The following AK9 variants were observed in gnomAD, a reference collection of about 807,000 sequenced individuals.
The protein encoded by AK9 is adenylate kinase domain containing 1.
Under a neutral mutation model 239.6 loss-of-function variants are expected in AK9, and 191 were observed. That is an observed-to-expected ratio of 0.80 (90% confidence interval 0.71 to 0.90). The LOEUF (loss-of-function observed/expected upper bound fraction) is 0.90, where lower values mean the gene tolerates loss of function less well. AK9 is among the 40% of genes least tolerant of loss of function. The pLI is 0.00. For missense variants in AK9, 1,995 were observed against 2,214.7 expected (o/e 0.90, Z 1.99); for synonymous variants, 689 against 721.0 (o/e 0.96, Z 0.71).
At position 109,559,041 on chromosome 6, in the gene AK9, G is replaced by C. The variant is rs140817686; in HGVS notation, c.2751+4556C>G. On this transcript the variant is annotated intron_variant, in intron 24 of 40. Coordinates refer to ENST00000424296, the MANE Select transcript of AK9 (RefSeq NM_001145128.3). ...TCATTTTTATATTTTCAATAGAGAG[G>C]GGGGGTTCGCCATGTTGGCTAAGCT... is the stretch of plus-strand genomic sequence containing the variant. 2.4e-3 allele frequency among the ~76,000 whole-genome samples: 365 copies of C among 151,818 alleles called. 3 individuals are homozygous for C. The highest frequency in any genetic ancestry group is 8.4e-3 in the African/African-American group (346 of 41,432).
intron 28 of AK9, among the ~76,000 whole-genome samples, chr6:109,529,684 T>A (rs573683040): frequency 6.6e-6 from 1 of 152,100 alleles, no homozygotes; most frequent in East Asian, 1.9e-4. Flanking sequence ...CATCTGGAGG[T>A]GATGGGAGAT....
intron 8 of AK9, among the ~76,000 whole-genome samples, chr6:109,650,534 C>T (rs1328888378): frequency 2.0e-5 from 3 of 151,926 alleles, no homozygotes; most frequent in Non-Finnish European, 2.9e-5. Context: ...CAATGAGATA[C>T]CATCTCACAC....
At chr6:109,602,892 G>A (rs919943075) in intron 17 of AK9, among the ~76,000 whole-genome samples, 46 of 152,088 alleles carry the variant, frequency 3.0e-4, no homozygotes, top group Non-Finnish European at 2.2e-4. Context: ...TATTCGTCAC[G>A]TAGTTCTCGT....
In AK9 at chr6:109,564,196, A is replaced by T. The variant is rs865806795; in HGVS notation, c.2519T>A (p.Ile840Asn). Residue 840 changes from isoleucine to asparagine, a missense_variant, in exon 23 of 41, where the codon ATC becomes AAC. Transcript: ENST00000424296. ...PFKEKIGSFI[I>N]LWKQLEATIS... ...TGTTGCTTCTAGCTGTTTCCAGAGG[A>T]TGATGAAAGAACCAATCTTCTCTTT... is the stretch of plus-strand genomic sequence containing the variant. The T allele has an allele frequency of 3.2e-6, 5 of 1,551,446 alleles. No homozygotes were observed. The Middle Eastern group carries it at 8.4e-4, about 259-fold the overall frequency.
intron 19 of AK9, 75 bp from the exon 20 acceptor site, chr6:109,579,701 AT>A: frequency 8.1e-7 from 1 of 1,235,156 alleles, no homozygotes; most frequent in Non-Finnish European, 1.1e-6. Flanking sequence ...TTAAATGCTT[AT>A]AGTGTTAAAA....
At chr6:109,618,146 G>A (rs960517888) in intron 13 of AK9, among the ~76,000 whole-genome samples, 1 of 152,062 alleles carries the variant, frequency 6.6e-6, no homozygotes, top group Non-Finnish European at 1.5e-5. Context: ...ATAGCTTCTG[G>A]GACTCTGAAC....
In AK9 at chr6:109,493,862, T is replaced by C. The variant is rs981532325; in HGVS notation, c.5533+119A>G. 6.4e-6 allele frequency: 5 copies of C among 780,674 alleles called. No individual in the cohort carries two copies. The Admixed American group carries it at 1.2e-4, about 18-fold the overall frequency. The allele number at this position is 780,674 out of a possible 1,614,324, so 48.4% of individuals were successfully genotyped here. The stretch of plus-strand genomic sequence containing the variant: ...ATTTGCCCTGTATTGTATTTGCTAC[T>C]AACACTCTCTCTTTCTCTCTCACCA... On this transcript the variant is annotated intron_variant, in intron 40 of 40. Coordinates refer to ENST00000424296, the MANE Select transcript of AK9 (RefSeq NM_001145128.3).
At chr6:109,548,945 G>T (rs1783957039) in intron 25 of AK9, among the ~76,000 whole-genome samples, 2 of 152,302 alleles carry the variant, frequency 1.3e-5, no homozygotes, top group Non-Finnish European at 2.9e-5. Flanking sequence ...AAGCACAAAG[G>T]TCATGGCAAC....
chr6:109,668,464 T>C (rs1801578683), intron 5 of AK9, among the ~76,000 whole-genome samples: 1 of 151,654 alleles, frequency 6.6e-6, no homozygotes, highest in Middle Eastern at 3.2e-3. Flanking sequence ...AGACATGAAG[T>C]CCTTGCCCAT....
chr6:109,545,734 TTGAGGCTTTGG>T, intron 26 of AK9, 122 bp downstream of exon 26: 1 of 1,123,926 alleles, frequency 8.9e-7, no homozygotes, highest in Non-Finnish European at 1.2e-6. Flanking sequence ...CCCAGGGAAG[TTGAGGCTTTGG>T]TGAGCTGTGA....
At chr6:109,501,469 G>C (rs1454815223) in intron 35 of AK9, among the ~76,000 whole-genome samples, 5 of 152,202 alleles carry the variant, frequency 3.3e-5, no homozygotes, top group Non-Finnish European at 5.9e-5. Flanking sequence ...AGTAGGAGAG[G>C]GGGAAAGGAA....
intron 5 of AK9, among the ~76,000 whole-genome samples, chr6:109,664,675 G>A (rs1008658933): frequency 2.6e-5 from 4 of 151,254 alleles, no homozygotes; most frequent in African/African-American, 2.4e-5. Flanking sequence ...CGCCTGCCTC[G>A]GCCTCTCAAA....
chr6:109,567,280 C>A (rs1436242545), intron 21 of AK9, among the ~76,000 whole-genome samples: 3 of 152,086 alleles, frequency 2.0e-5, no homozygotes, highest in African/African-American at 7.2e-5. Context: ...TACAAACTGC[C>A]ATCAGAGAAT....
chr6:109,582,209 G>A (rs553083846), intron 19 of AK9, among the ~76,000 whole-genome samples: 166 of 152,292 alleles, frequency 1.1e-3, no homozygotes, highest in South Asian at 2.3e-3. Context: ...CCATAACGCA[G>A]CCCATGGATC....
intron 24 of AK9, among the ~76,000 whole-genome samples, chr6:109,560,771 T>G (rs1411281291): frequency 6.6e-6 from 1 of 152,202 alleles, no homozygotes; most frequent in Non-Finnish European, 1.5e-5. Flanking sequence ...ATCAGAATAA[T>G]GCTGATCTCA....
intron 1 of AK9, among the ~76,000 whole-genome samples, chr6:109,681,332 A>G (rs1772597343): frequency 1.3e-5 from 2 of 152,220 alleles, no homozygotes; most frequent in Admixed American, 1.3e-4. Flanking sequence ...ACCAACAAAG[A>G]TCAAAAGAGA....
chr6:109,542,899 T>G (rs1223619763), intron 26 of AK9, among the ~76,000 whole-genome samples: 1 of 152,204 alleles, frequency 6.6e-6, no homozygotes, highest in East Asian at 1.9e-4. Context: ...ATGATTGATT[T>G]TCATACATGG....
At chr6:109,550,825 C>A (rs2128164294) in intron 24 of AK9, among the ~76,000 whole-genome samples, 1 of 152,122 alleles carries the variant, frequency 6.6e-6, no homozygotes, top group Non-Finnish European at 1.5e-5. Flanking sequence ...ATTGCAAAGT[C>A]CATTAAGGAT....
At chr6:109,528,255 CT>C (rs1403209376) in intron 29 of AK9, 1 of 337,132 alleles carries the variant, frequency 3.0e-6, no homozygotes, top group African/African-American at 2.2e-5. Flanking sequence ...GTTAGGACAT[CT>C]TTTTGATCCT....
Sources: gnomAD v4.1 joint callset for allele counts (sites outside exome capture counted in the v4.1 genomes callset) on GRCh38, gnomAD v4.1.1 for gene constraint, MANE v1.5 for transcripts, NCBI Gene and HGNC (gene_info 2026-07-23, HGNC 2026-07-21) for gene names.